Variants in LRRC31 observed in about 807,000 individuals in gnomAD.
The protein encoded by LRRC31 is leucine-rich repeat-containing protein 31.
LRRC31 carries 35 observed loss-of-function variants against 46.7 expected under a neutral mutation model. The observed-to-expected ratio is 0.75, with a 90% CI of 0.57 to 0.99. The LOEUF (loss-of-function observed/expected upper bound fraction) is 0.99, where lower values mean the gene tolerates loss of function less well. LRRC31 is among the 50% of genes least tolerant of loss of function. The pLI, the probability that LRRC31 is intolerant of heterozygous loss-of-function variation, is 0.00. For synonymous variants in LRRC31, 236 were observed against 235.1 expected (o/e 1.00, Z -0.03); for missense variants, 613 against 626.1 (o/e 0.98, Z 0.22).
In LRRC31 at chr3:169,854,796, C is replaced by T; in HGVS notation, c.991+17G>A. 3.8e-6 allele frequency: 6 copies of T among 1,582,018 alleles called. No homozygotes were observed. Among genetic ancestry groups the T allele is most frequent in the Non-Finnish European group, 5.2e-6 (6 of 1,155,694 alleles). On this transcript the variant is annotated intron_variant, in intron 6 of 8. Transcript: ENST00000316428. The stretch of plus-strand genomic sequence containing the variant: ...AGATTCCAAAAGTCTTTCCTTTGCT[C>T]TGCAATATATACTTACTCAGTGACA...
Position 169,840,214 on chromosome 3 carries a change from T to G in LRRC31, c.1427A>C (p.Asn476Thr), listed in dbSNP as rs760061446. ...CDAGWTMFCQ[N>T]VRFLKELIEL... ...GATTAGCTCTTTGAGGAACCGCACG[T>G]TTTGGCAGAACATGGTCCACCCCGC... Residue 476 changes from asparagine to threonine, a missense_variant, in exon 9 of 9, where the codon AAC becomes ACC. Coordinates refer to ENST00000316428, the MANE Select transcript of LRRC31 (RefSeq NM_024727.4). 1.9e-6 allele frequency: 3 copies of G among 1,614,086 alleles called. No individual in the cohort carries two copies. Among genetic ancestry groups the G allele is most frequent in the South Asian group, 2.2e-5 (2 of 91,078 alleles).
chr3:169,869,922 T>G lies in LRRC31; in HGVS notation c.-115A>C. 1.1e-6 allele frequency: 1 copy of G among 901,796 alleles called. No individual in the cohort carries two copies. The highest frequency in any genetic ancestry group is 1.6e-6 in the Non-Finnish European group (1 of 628,410). The allele number at this position is 901,796 out of a possible 1,614,324, so 55.9% of individuals were successfully genotyped here. The stretch of plus-strand genomic sequence containing the variant: ...AAGCCTGTGTTCAATCAAAATATCC[T>G]CCCCTACATGACTGCCCCCCACTCC... On this transcript the variant is annotated 5_prime_UTR_variant, in exon 1 of 9. Transcript: ENST00000316428.
At chr3:169,863,011 T>C (rs1781218414) in intron 1 of LRRC31, among the ~76,000 whole-genome samples, 1 of 151,602 alleles carries the variant, frequency 6.6e-6, no homozygotes, top group South Asian at 2.1e-4. Flanking sequence ...GCCTCCCGAG[T>C]AGCTGGGACT....
chr3:169,862,120 G>C (rs567422477), intron 1 of LRRC31, among the ~76,000 whole-genome samples: 1 of 152,266 alleles, frequency 6.6e-6, no homozygotes, highest in Non-Finnish European at 1.5e-5. Context: ...TGTCAGCCCG[G>C]CTTTTGAGAT....
At chr3:169,840,773 A>G (rs1000635186) in intron 8 of LRRC31, among the ~76,000 whole-genome samples, 2 of 152,242 alleles carry the variant, frequency 1.3e-5, no homozygotes, top group African/African-American at 4.8e-5. Context: ...ATAATTTCCA[A>G]TTCACCTTAG....
rs1253945164 is a variant in LRRC31 at position 169,856,489 on chromosome 3, T to C, written c.670A>G (p.Met224Val). The change falls in exon 5 of 9, where the codon ATG becomes GTG. Residue 224 changes from methionine (M) to valine (V), a missense_variant. Coordinates refer to ENST00000316428, the MANE Select transcript of LRRC31 (RefSeq NM_024727.4). The stretch of plus-strand genomic sequence containing the variant: ...TCAAGTACTTCGAGACTTTGCAGCA[T>C]AGGTAGCAGTTGACCTAGAAGGAAA... ...DGTFLGQLLP[M>V]LQSLEVLDLS... The C allele has an allele frequency of 1.9e-6, 3 of 1,598,194 alleles. No individual in the cohort carries two copies. The highest frequency in any genetic ancestry group is 1.7e-5 in the Admixed American group (1 of 57,542).
At chr3:169,841,252 G>T (rs145472758) in intron 8 of LRRC31, among the ~76,000 whole-genome samples, 1 of 152,190 alleles carries the variant, frequency 6.6e-6, no homozygotes, top group Non-Finnish European at 1.5e-5. Flanking sequence ...CAATCAGTCA[G>T]CTGTAACATT....
intron 8 of LRRC31, among the ~76,000 whole-genome samples, chr3:169,847,853 G>T (rs1022934079): frequency 6.6e-6 from 1 of 152,254 alleles, no homozygotes; most frequent in Middle Eastern, 3.2e-3. Flanking sequence ...CCGCGGAGGT[G>T]TGGAACAGAG....
At chr3:169,864,474 C>G (rs1239233410) in intron 1 of LRRC31, among the ~76,000 whole-genome samples, 1 of 152,218 alleles carries the variant, frequency 6.6e-6, no homozygotes, top group African/African-American at 2.4e-5. Context: ...AGTCACTCAA[C>G]CTCTCTGAGC....
chr3:169,865,462 C>T (rs115584916), intron 1 of LRRC31, among the ~76,000 whole-genome samples: 75 of 152,174 alleles, frequency 4.9e-4, no homozygotes, highest in African/African-American at 1.6e-3. Context: ...ACAAAGCTCT[C>T]GGTTCTTAGT....
At chr3:169,856,593 T>A in intron 4 of LRRC31, 90 bp from the exon 5 acceptor site, 1 of 1,324,656 alleles carries the variant, frequency 7.5e-7, no homozygotes, top group Non-Finnish European at 1.0e-6. Context: ...AAAACTCCAC[T>A]CCCCTCCTAC....
intron 3 of LRRC31, among the ~76,000 whole-genome samples, chr3:169,860,216 T>TTTTC (rs1560631832): frequency 2.6e-5 from 4 of 151,834 alleles, no homozygotes; most frequent in African/African-American, 4.8e-5. Context: ...CTTGTTCTTT[T>TTTTC]TTTTCTTTTC....
chr3:169,840,967 G>T (rs1264234964), intron 8 of LRRC31, among the ~76,000 whole-genome samples: 3 of 152,204 alleles, frequency 2.0e-5, no homozygotes, highest in East Asian at 3.8e-4. Context: ...AATGGGACAT[G>T]CTTCCCTTTT....
intron 8 of LRRC31, among the ~76,000 whole-genome samples, chr3:169,847,418 C>T (rs577989151): frequency 1.5e-3 from 222 of 152,352 alleles, no homozygotes; most frequent in Middle Eastern, 3.4e-3. Flanking sequence ...CTCCTGACCT[C>T]AAGTGATCCG....
At chr3:169,841,990 A>G (rs1269133973) in intron 8 of LRRC31, among the ~76,000 whole-genome samples, 1 of 152,198 alleles carries the variant, frequency 6.6e-6, no homozygotes, top group African/African-American at 2.4e-5. Context: ...GGTTGCAGTG[A>G]ACCAAGATCG....
At chr3:169,854,689 A>G in intron 6 of LRRC31, 124 bp downstream of exon 6, 1 of 748,184 alleles carries the variant, frequency 1.3e-6, no homozygotes, top group Non-Finnish European at 2.2e-6. Flanking sequence ...CAGAACTGTT[A>G]TGAATTGATC....
chr3:169,856,783 T>C lies in LRRC31; in HGVS notation c.577A>G (p.Lys193Glu). ...TGTATCTTGCTCCCTTTTTGGAACT[T>C]CTGAAGGATCAGAGGCAAATTTCCT... is the stretch of plus-strand genomic sequence containing the variant. ...VGGNLPLILQ[K>E]FQKGSKIQMI... Residue 193 changes from lysine to glutamate, a missense_variant, in exon 4 of 9, where the codon AAG becomes GAG. Physicochemically the swap from Lys to Glu is moderately conservative, Grantham distance 56 (BLOSUM62 1). Transcript: ENST00000316428. 1 of 1,609,292 alleles carries C rather than the reference T, an allele frequency of 6.2e-7. No individual in the cohort carries two copies.
intron 1 of LRRC31, among the ~76,000 whole-genome samples, chr3:169,864,810 C>T (rs1781280265): frequency 6.6e-6 from 1 of 152,316 alleles, no homozygotes; most frequent in Non-Finnish European, 1.5e-5. Context: ...GGTGCAGTGG[C>T]TCATGCCTGT....
Position 169,851,638 on chromosome 3 carries a change from A to C in LRRC31, c.1140T>G (p.Ser380Arg). 1 of 1,613,846 alleles carries C rather than the reference A, an allele frequency of 6.2e-7. No homozygotes were observed. The highest frequency in any genetic ancestry group is 8.5e-7 in the Non-Finnish European group (1 of 1,179,944). Residue 380 changes from serine to arginine, a missense_variant, in exon 7 of 9, where the codon AGT becomes AGG. Coordinates refer to ENST00000316428, the MANE Select transcript of LRRC31 (RefSeq NM_024727.4). ...TCTTACCAAGAGCTGTAAAAGTCTC[A>C]CTCTCCAAAGCACAGTTGTTGATAA... ...SLVINNCALE[S>R]ETFTALAEAS...
Sources: allele counts gnomAD v4.1 joint callset (sites outside exome capture counted in the v4.1 genomes callset), GRCh38; gene constraint gnomAD v4.1.1; transcripts MANE v1.5; gene names NCBI Gene and HGNC (gene_info 2026-07-23, HGNC 2026-07-21).